Variants in CKAP2L observed in about 807,000 individuals in gnomAD.
CKAP2L encodes the protein cytoskeleton associated protein 2L, also known as cytoskeleton-associated protein 2-like.
A neutral mutation model predicts 65.7 loss-of-function variants in CKAP2L; 42 were observed. The observed-to-expected ratio is 0.64, with a 90% CI of 0.50 to 0.83. CKAP2L has a LOEUF of 0.83. CKAP2L is among the 40% of genes least tolerant of loss of function. The pLI, the probability that CKAP2L is intolerant of heterozygous loss-of-function variation, is 0.00. For synonymous variants in CKAP2L, 325 were observed against 313.5 expected, an observed-to-expected ratio of 1.04 and a Z score of -0.39; for missense variants, 908 against 871.0, an observed-to-expected ratio of 1.04 and a Z score of -0.53.
chr2:112,762,435 A>G, intron 2 of CKAP2L, 68 bp downstream of exon 2: 1 of 1,220,196 alleles, frequency 8.2e-7, no homozygotes, highest in Non-Finnish European at 1.2e-6. Context: ...ACATTTTTCA[A>G]AAAGGCTTTA....
At position 112,752,439 on chromosome 2, in the gene CKAP2L, T is replaced by G; in HGVS notation, c.1430A>C (p.Lys477Thr). The G allele has an allele frequency of 1.2e-6, 2 of 1,610,780 alleles. No individual in the cohort carries two copies. The highest frequency in any genetic ancestry group is 1.7e-4 in the Middle Eastern group (1 of 5,858). The change falls in exon 5 of 9, where the codon AAA (lysine) becomes ACA (threonine). Residue 477 changes from lysine (K) to threonine (T), a missense_variant. Coordinates refer to ENST00000302450, the MANE Select transcript of CKAP2L (RefSeq NM_152515.5). ...TTCCATAGGAGGCCGTTTATAGGTT[T>G]TTCCCTTAGATTTCTGCCATTCTTC... ...QLEEWQKSKG[K>T]TYKRPPMELK...
intron 7 of CKAP2L, 147 bp from the exon 8 acceptor site, chr2:112,741,154 TGA>T (rs1679926256): frequency 1.5e-6 from 1 of 652,782 alleles, no homozygotes; most frequent in African/African-American, 1.8e-5. Context: ...ATTTGAAGTG[TGA>T]CTTATAACTT....
At chr2:112,742,565 G>A (rs1680045968) in intron 7 of CKAP2L, 141 bp downstream of exon 7, 6 of 709,230 alleles carry the variant, frequency 8.5e-6, no homozygotes. Flanking sequence ...TGATGACAAT[G>A]GCTGAAAGGG....
chr2:112,742,658 T>C (rs762572685), intron 7 of CKAP2L, 48 bp downstream of exon 7: 2 of 1,202,578 alleles, frequency 1.7e-6, no homozygotes, highest in Non-Finnish European at 2.4e-6. Context: ...GGATGATTTT[T>C]ACTGGTACAG....
rs759793090 is a variant in CKAP2L, at chr2:112,752,272, C to T, written c.1597G>A (p.Glu533Lys). The change falls in exon 5 of 9, where the codon GAA (glutamate) becomes AAA (lysine). Residue 533 changes from glutamate (E) to lysine (K), a missense_variant. Coordinates refer to ENST00000302450, the MANE Select transcript of CKAP2L (RefSeq NM_152515.5). ...NTLTECLNLIEGGVPSNEILN... is the reference protein window; with the variant it reads ...NTLTECLNLIKGGVPSNEILN... Reference sequence around the variant, plus strand: ...AGCTTATCTTCTTCACTTACCCCTTCGATGAGGTTCAGACATTCTGTCAGA... The same window carrying T: ...AGCTTATCTTCTTCACTTACCCCTTTGATGAGGTTCAGACATTCTGTCAGA... 19 of 1,610,654 alleles carry T rather than the reference C, an allele frequency of 1.2e-5. No homozygotes were observed. The highest frequency in any genetic ancestry group is 4.0e-5 in the African/African-American group (3 of 74,772).
At chr2:112,753,166 A>T (rs890565445) in intron 4 of CKAP2L, among the ~76,000 whole-genome samples, 2 of 152,158 alleles carry the variant, frequency 1.3e-5, no homozygotes, top group African/African-American at 4.8e-5. Flanking sequence ...ATTAATAATG[A>T]CTTCCAAGTG....
intron 5 of CKAP2L, among the ~76,000 whole-genome samples, chr2:112,750,297 A>T (rs760817509): frequency 6.6e-6 from 1 of 152,210 alleles, no homozygotes; most frequent in Non-Finnish European, 1.5e-5. Flanking sequence ...CATCTTGTGC[A>T]CACAGGCTTA....
At chr2:112,742,269 T>C in intron 7 of CKAP2L, 2 of 667,874 alleles carry the variant, frequency 3.0e-6, no homozygotes, top group Non-Finnish European at 2.8e-6. Context: ...CTAAAGGTTA[T>C]GACCACTGAC....
rs906114265 is a variant in CKAP2L, at chr2:112,737,375, A to G, written c.*1448T>C. On this transcript the variant is annotated 3_prime_UTR_variant, in exon 9 of 9. Transcript: ENST00000302450. ...GTACTAGGGTTCTCTTTTCTCCACA[A>G]TCTCATCAACATTTATCTCATGTCT... 1 of 152,120 alleles carries G rather than the reference A, an allele frequency of 6.6e-6. No individual in the cohort carries two copies. The highest frequency in any genetic ancestry group is 2.4e-5 in the African/African-American group (1 of 41,422). 9.4% of individuals were successfully genotyped at this position (152,120 alleles called of 1,614,324 possible). A position where few individuals can be genotyped will look rare whatever the true frequency, so the allele number is the denominator to read the frequency against.
Position 112,757,186 on chromosome 2 carries a change from T to C in CKAP2L, c.185A>G (p.Asn62Ser), listed in dbSNP as rs17042344. The C allele has an allele frequency of 0.047, 74,883 of 1,608,692 alleles. 1,942 individuals are homozygous for C. Among genetic ancestry groups the C allele is most frequent in the African/African-American group, 0.074 (5,553 of 74,716 alleles). The part of the protein sequence containing the change: ...STIRPKNDVT[N>S]HVVLPVKPKR... ...AGGTTTGACAGGCAAAACAACATGG[T>C]TGGTAACATCATTTTTGGGTCTAAT... The change falls in exon 4 of 9, where the codon AAC (asparagine) becomes AGC (serine). Residue 62 changes from asparagine (N) to serine (S), a missense_variant. Asn to Ser is a conservative substitution (Grantham distance 46, BLOSUM62 1). Coordinates refer to ENST00000302450, the MANE Select transcript of CKAP2L (RefSeq NM_152515.5).
chr2:112,742,950 A>C, intron 6 of CKAP2L, 181 bp from the exon 7 acceptor site: 1 of 565,912 alleles, frequency 1.8e-6, no homozygotes, highest in African/African-American at 1.9e-5. Context: ...AAAGGAACAG[A>C]GAAAATTCTG....
chr2:112,749,207 G>A (rs1680295138), intron 5 of CKAP2L, among the ~76,000 whole-genome samples: 1 of 136,952 alleles, frequency 7.3e-6, no homozygotes, highest in Non-Finnish European at 1.6e-5. Context: ...AAGGCTTAAA[G>A]TAAAGGGATG....
chr2:112,753,589 A>G (rs560477118), intron 4 of CKAP2L, among the ~76,000 whole-genome samples: 1 of 132,716 alleles, frequency 7.5e-6, no homozygotes, highest in African/African-American at 2.8e-5. Context: ...GTGAAGTGGC[A>G]TGATCTCAGG....
chr2:112,736,593 TC>T lies in CKAP2L; in HGVS notation c.*2229del, dbSNP rs1299391621. 1 of 152,228 alleles carries T rather than the reference TC, an allele frequency of 6.6e-6. No homozygotes were observed. The highest frequency in any genetic ancestry group is 1.5e-5 in the Non-Finnish European group (1 of 68,042). The allele number at this position is 152,228 out of a possible 1,614,324, so 9.4% of individuals were successfully genotyped here. A position where few individuals can be genotyped will look rare whatever the true frequency, so the allele number is the denominator to read the frequency against. ...CTATTTTGTATCCTTGGCCTGCATC[TC>T]CCCATTTCCTCTTCCCCAATCTGTG... On this transcript the variant is annotated 3_prime_UTR_variant, in exon 9 of 9. Coordinates refer to ENST00000302450, the MANE Select transcript of CKAP2L (RefSeq NM_152515.5).
At chr2:112,749,527 G>C (rs1680303994) in intron 5 of CKAP2L, among the ~76,000 whole-genome samples, 1 of 151,184 alleles carries the variant, frequency 6.6e-6, no homozygotes, top group Admixed American at 6.6e-5. Flanking sequence ...AGGCCACAAA[G>C]AAAATTTCAA....
chr2:112,744,755 T>C (rs144513495), intron 6 of CKAP2L, among the ~76,000 whole-genome samples: 280 of 152,242 alleles, frequency 1.8e-3, no homozygotes, highest in African/African-American at 6.6e-3. Context: ...AAGATACTGA[T>C]ATTGAGGGTT....
Position 112,752,464 on chromosome 2 carries a change from C to G in CKAP2L, c.1405G>C (p.Glu469Gln). 1.3e-6 allele frequency: 2 copies of G among 1,599,118 alleles called. No individual in the cohort carries two copies. Among genetic ancestry groups the G allele is most frequent in the Non-Finnish European group, 8.5e-7 (1 of 1,173,070 alleles). The change falls in exon 5 of 9, where the codon GAA becomes CAA. Residue 469 changes from glutamate to glutamine, a missense_variant. Physicochemically the swap from Glu to Gln is conservative, Grantham distance 29. Transcript: ENST00000302450. Reference sequence around the variant, plus strand: ...TTTCCCTTAGATTTCTGCCATTCTTCTAGTTGTTTCCTGAAATTCAATTAA... The same window carrying G: ...TTTCCCTTAGATTTCTGCCATTCTTGTAGTTGTTTCCTGAAATTCAATTAA... ...ATAEDRRKQL[E>Q]EWQKSKGKTY...
chr2:112,757,235 C>G (rs1275338557), intron 3 of CKAP2L, 21 bp from the exon 4 acceptor site: 1 of 1,510,398 alleles, frequency 6.6e-7, no homozygotes, highest in Admixed American at 2.2e-5. Context: ...AAAGAAAATA[C>G]ATATTAAAAA....
chr2:112,760,976 CTTTT>C (rs539461536), intron 2 of CKAP2L, among the ~76,000 whole-genome samples: 347 of 145,806 alleles, frequency 2.4e-3, no homozygotes, highest in African/African-American at 8.2e-3. Context: ...TGCTCCTACT[CTTTT>C]TTTTTTTGCC....
Sources: allele counts gnomAD v4.1 joint callset (sites outside exome capture counted in the v4.1 genomes callset), GRCh38; gene constraint gnomAD v4.1.1; transcripts MANE v1.5; gene names NCBI Gene and HGNC (gene_info 2026-07-23, HGNC 2026-07-21).